Variants in COL8A1 observed in about 807,000 individuals in gnomAD.
COL8A1 encodes collagen type VIII alpha 1 chain.
Under a neutral mutation model 42.7 loss-of-function variants are expected in COL8A1, and 21 were observed. That is an observed-to-expected ratio of 0.49 (90% CI 0.35 to 0.71). COL8A1 has a LOEUF of 0.71. Ranked by LOEUF, COL8A1 falls within the 30% of genes least tolerant of loss-of-function variation. The pLI is 0.01. For missense variants in COL8A1, 788 were observed against 962.4 expected, an observed-to-expected ratio of 0.82 and a Z score of 2.40; for synonymous variants, 367 against 369.1, an observed-to-expected ratio of 0.99 and a Z score of 0.06.
intron 1 of COL8A1, among the ~76,000 whole-genome samples, chr3:99,661,005 G>A (rs1938186644): frequency 6.6e-6 from 1 of 152,136 alleles, no homozygotes; most frequent in African/African-American, 2.4e-5. Flanking sequence ...CTGTTGGTAA[G>A]AGGCTAAATT....
At chr3:99,742,143 A>G (rs1940916150) in intron 1 of COL8A1, among the ~76,000 whole-genome samples, 1 of 152,228 alleles carries the variant, frequency 6.6e-6, no homozygotes, top group South Asian at 2.1e-4. Context: ...TGATCTTCAA[A>G]TACTTTAAGT....
At chr3:99,680,637 C>A (rs1304615793) in intron 1 of COL8A1, among the ~76,000 whole-genome samples, 20 of 152,138 alleles carry the variant, frequency 1.3e-4, no homozygotes, top group Admixed American at 1.3e-3. Flanking sequence ...TCCTATTTCT[C>A]CACATCCTCT....
At chr3:99,774,976 G>C (rs1224825334) in intron 2 of COL8A1, among the ~76,000 whole-genome samples, 2 of 152,188 alleles carry the variant, frequency 1.3e-5, no homozygotes, top group Non-Finnish European at 2.9e-5. Flanking sequence ...ATGTTTATTA[G>C]GGAAAATGTA....
intron 2 of COL8A1, among the ~76,000 whole-genome samples, chr3:99,777,331 G>A (rs1941713007): frequency 6.6e-6 from 1 of 152,268 alleles, no homozygotes; most frequent in African/African-American, 2.4e-5. Flanking sequence ...GGCTGGTGGC[G>A]AGCTCAGGAC....
chr3:99,727,649 ACGT>A (rs2107378896), intron 1 of COL8A1, among the ~76,000 whole-genome samples: 1 of 152,028 alleles, frequency 6.6e-6, no homozygotes, highest in Non-Finnish European at 1.5e-5. Context: ...TCTGAGGCTA[ACGT>A]CATCCTGATA....
chr3:99,718,418 T>TG (rs991691321), intron 1 of COL8A1, among the ~76,000 whole-genome samples: 68 of 152,176 alleles, frequency 4.5e-4, no homozygotes, highest in African/African-American at 1.5e-3. Flanking sequence ...CATTCTTAGT[T>TG]AAGTTCTGGG....
intron 2 of COL8A1, among the ~76,000 whole-genome samples, chr3:99,786,080 AC>A (rs1261600482): frequency 6.6e-6 from 1 of 151,624 alleles, no homozygotes; most frequent in Non-Finnish European, 1.5e-5. Flanking sequence ...AGTAAACAGG[AC>A]TCTTTCCTTT....
At chr3:99,781,149 TGA>T (rs1941786891) in intron 2 of COL8A1, among the ~76,000 whole-genome samples, 1 of 152,216 alleles carries the variant, frequency 6.6e-6, no homozygotes, top group East Asian at 1.9e-4. Context: ...CTGCTACTCC[TGA>T]ACCATGCACC....
At chr3:99,684,160 G>A (rs1938977651) in intron 1 of COL8A1, among the ~76,000 whole-genome samples, 2 of 152,124 alleles carry the variant, frequency 1.3e-5, no homozygotes, top group Admixed American at 6.5e-5. Flanking sequence ...CCATGCCACC[G>A]AATCAAATTT....
chr3:99,647,177 A>C (rs1189418453), intron 1 of COL8A1, among the ~76,000 whole-genome samples: 1 of 152,182 alleles, frequency 6.6e-6, no homozygotes, highest in Non-Finnish European at 1.5e-5. Flanking sequence ...GTGTTCCTTA[A>C]ACATTTGATG....
chr3:99,657,858 G>A (rs997462335), intron 1 of COL8A1, among the ~76,000 whole-genome samples: 1 of 152,112 alleles, frequency 6.6e-6, no homozygotes, highest in Non-Finnish European at 1.5e-5. Flanking sequence ...GACCGGGCAC[G>A]GTGGCTCACA....
rs1375230637 is a variant in COL8A1, at chr3:99,640,367, A to G, written c.-129+1703A>G. On this transcript the variant is annotated intron_variant, in intron 1 of 3. Transcript: ENST00000652472. ...CAAGGCCAGACCAAGTATGTGGCAC[A>G]TTCAAGTTAATTCTTCTTTTATGGT... 4.6e-5 allele frequency among the ~76,000 whole-genome samples: 7 copies of G among 152,306 alleles called. No homozygotes were observed. In the East Asian group the frequency reaches 1.4e-3, roughly 29 times the overall value.
At chr3:99,670,789 C>A (rs1174359656) in intron 1 of COL8A1, among the ~76,000 whole-genome samples, 3 of 152,000 alleles carry the variant, frequency 2.0e-5, no homozygotes, top group African/African-American at 4.8e-5. Context: ...CCCCTGCTAA[C>A]TATTATTCTA....
intron 3 of COL8A1, among the ~76,000 whole-genome samples, chr3:99,791,282 T>C (rs533549175): frequency 6.6e-6 from 1 of 152,344 alleles, no homozygotes; most frequent in South Asian, 2.1e-4. Context: ...CCTTATTGTT[T>C]ATTTATTCAA....
intron 2 of COL8A1, among the ~76,000 whole-genome samples, chr3:99,772,950 C>A (rs1029647695): frequency 1.3e-5 from 2 of 152,188 alleles, no homozygotes; most frequent in African/African-American, 4.8e-5. Context: ...CCTTTGGAGA[C>A]AGACCAGCAG....
At chr3:99,652,277 A>T (rs1937870924) in intron 1 of COL8A1, among the ~76,000 whole-genome samples, 1 of 152,226 alleles carries the variant, frequency 6.6e-6, no homozygotes, top group African/African-American at 2.4e-5. Flanking sequence ...CAAGGATCTT[A>T]ATTTGGGAAC....
At chr3:99,640,803 C>A (rs973769115) in intron 1 of COL8A1, among the ~76,000 whole-genome samples, 1 of 152,104 alleles carries the variant, frequency 6.6e-6, no homozygotes, top group African/African-American at 2.4e-5. Context: ...CATGTAGTCG[C>A]CCCCAAATCT....
At chr3:99,709,542 A>G (rs1197043261) in intron 1 of COL8A1, among the ~76,000 whole-genome samples, 1 of 152,166 alleles carries the variant, frequency 6.6e-6, no homozygotes. Flanking sequence ...TTGCAGAGCT[A>G]TTTTTTAAAA....
At chr3:99,764,661 G>C (rs1221591639) in intron 2 of COL8A1, among the ~76,000 whole-genome samples, 1 of 149,678 alleles carries the variant, frequency 6.7e-6, no homozygotes, top group Non-Finnish European at 1.5e-5. Context: ...TATGGTAGTA[G>C]CTTTCAGTCA....
Sources: gnomAD v4.1 joint callset for allele counts (sites outside exome capture counted in the v4.1 genomes callset) on GRCh38, gnomAD v4.1.1 for gene constraint, MANE v1.5 for transcripts, NCBI Gene and HGNC (gene_info 2026-07-23, HGNC 2026-07-21) for gene names.